Variants in ADGRB3 observed in about 807,000 individuals in gnomAD.
The protein encoded by ADGRB3 is adhesion G protein-coupled receptor B3.
A neutral mutation model predicts 193.4 loss-of-function variants in ADGRB3; 37 were observed. The observed-to-expected ratio is 0.19, with a 90% CI of 0.15 to 0.25. The LOEUF (loss-of-function observed/expected upper bound fraction) is 0.25. Ranked by LOEUF, ADGRB3 falls within the 10% of genes least tolerant of loss-of-function variation. The pLI, the probability that ADGRB3 is intolerant of heterozygous loss-of-function variation, is 1.00. For synonymous variants in ADGRB3, 690 were observed against 644.2 expected (o/e 1.07, Z -1.08); for missense variants, 1,637 against 1,852.9 (o/e 0.88, Z 2.14).
chr6:68,710,314 G>A (rs776064502), intron 3 of ADGRB3, among the ~76,000 whole-genome samples: 1 of 152,140 alleles, frequency 6.6e-6, no homozygotes, highest in Admixed American at 6.6e-5. Context: ...GTGGGTTTCT[G>A]TTTTCCTTCC....
rs549513521 is a variant in ADGRB3, at chr6:68,953,958, T to C, written c.1196-2066T>C. On this transcript the variant is annotated intron_variant, in intron 6 of 31. Coordinates refer to ENST00000370598, the MANE Select transcript of ADGRB3 (RefSeq NM_001704.3). ...ACAATGAACTGATCTTGGAAAAAAGTAGACATCCACAGACTGATGCATTTA... is the reference window on the plus strand; with the variant it reads ...ACAATGAACTGATCTTGGAAAAAAGCAGACATCCACAGACTGATGCATTTA... Among the ~76,000 whole-genome samples the C allele has an allele frequency of 4.6e-5, 7 of 152,340 alleles. No homozygotes were observed. The South Asian group carries it at 1.2e-3, about 27-fold the overall frequency.
At chr6:69,233,088 G>T (rs113014787) in intron 17 of ADGRB3, 4 of 695,904 alleles carry the variant, frequency 5.7e-6, no homozygotes, top group African/African-American at 5.5e-5. Context: ...CCGCACCGCC[G>T]CCTGCTTGCT....
intron 3 of ADGRB3, among the ~76,000 whole-genome samples, chr6:68,790,505 G>C (rs564259458): frequency 2.6e-4 from 39 of 152,240 alleles, no homozygotes; most frequent in African/African-American, 8.9e-4. Context: ...GTGGGTCCCT[G>C]ACCCCCGAGT....
At chr6:69,120,049 GA>G (rs1773640615) in intron 17 of ADGRB3, among the ~76,000 whole-genome samples, 1 of 152,084 alleles carries the variant, frequency 6.6e-6, no homozygotes, top group South Asian at 2.1e-4. Context: ...ATTCGATTTA[GA>G]ATGTATGGAA....
chr6:69,111,708 C>G (rs6455309), intron 17 of ADGRB3, among the ~76,000 whole-genome samples: 10,656 of 152,054 alleles, frequency 0.07, 466 homozygotes, highest in African/African-American at 0.12. Context: ...GATATGAAAC[C>G]AAGATAATTT....
At chr6:68,777,717 A>G (rs1007690375) in intron 3 of ADGRB3, among the ~76,000 whole-genome samples, 3 of 151,738 alleles carry the variant, frequency 2.0e-5, no homozygotes, top group Non-Finnish European at 4.4e-5. Flanking sequence ...AGATATGCTA[A>G]TATATATCTG....
chr6:68,694,502 A>C (rs1478292024), intron 3 of ADGRB3, among the ~76,000 whole-genome samples: 2 of 151,916 alleles, frequency 1.3e-5, no homozygotes, highest in African/African-American at 2.4e-5. Context: ...TGTGTATGAA[A>C]GGGCTAATTC....
intron 3 of ADGRB3, among the ~76,000 whole-genome samples, chr6:68,882,253 T>A (rs1490554200): frequency 6.6e-6 from 1 of 152,146 alleles, no homozygotes; most frequent in African/African-American, 2.4e-5. Context: ...GATTGTAGAG[T>A]CCCAAGGTAT....
chr6:68,660,395 G>T (rs1561985897), intron 3 of ADGRB3, among the ~76,000 whole-genome samples: 2 of 149,844 alleles, frequency 1.3e-5, no homozygotes, highest in African/African-American at 2.4e-5. Context: ...AAATGAGCCT[G>T]CATTCTCAGA....
chr6:69,042,583 G>A (rs1230677437), intron 13 of ADGRB3, among the ~76,000 whole-genome samples: 1 of 152,194 alleles, frequency 6.6e-6, no homozygotes, highest in East Asian at 1.9e-4. Flanking sequence ...GTCCCTGTGT[G>A]CTTGGTATGG....
intron 20 of ADGRB3, among the ~76,000 whole-genome samples, chr6:69,294,855 A>C (rs1445975557): frequency 6.6e-6 from 1 of 152,148 alleles, no homozygotes; most frequent in Non-Finnish European, 1.5e-5. Flanking sequence ...GCTAATAAAT[A>C]AGATTGTGTG....
chr6:69,233,771 G>A (rs1766203698), intron 18 of ADGRB3, among the ~76,000 whole-genome samples: 1 of 152,172 alleles, frequency 6.6e-6, no homozygotes, highest in Admixed American at 6.5e-5. Flanking sequence ...GGTATTGTTA[G>A]TAGTAGAATG....
At chr6:69,342,227 C>A (rs562947223) in intron 26 of ADGRB3, among the ~76,000 whole-genome samples, 4 of 152,080 alleles carry the variant, frequency 2.6e-5, no homozygotes, top group African/African-American at 9.7e-5. Flanking sequence ...AATATGGATA[C>A]ATCTCTGTTG....
chr6:68,660,367 C>T (rs1220365003), intron 3 of ADGRB3, among the ~76,000 whole-genome samples: 1 of 149,198 alleles, frequency 6.7e-6, no homozygotes, highest in Non-Finnish European at 1.5e-5. Context: ...CTTTGGGATA[C>T]TTTCAATGGA....
chr6:68,914,404 A>C (rs1184856863), intron 3 of ADGRB3, among the ~76,000 whole-genome samples: 1 of 152,172 alleles, frequency 6.6e-6, no homozygotes, highest in Non-Finnish European at 1.5e-5. Context: ...TTCTTAAAGA[A>C]AAGAATTTTC....
intron 8 of ADGRB3, among the ~76,000 whole-genome samples, chr6:68,969,977 T>G (rs954499026): frequency 4.6e-5 from 7 of 152,214 alleles, no homozygotes; most frequent in African/African-American, 7.2e-5. Flanking sequence ...ACCATTACTC[T>G]ATACTTGGTC....
chr6:69,158,869 T>A (rs765630394), intron 17 of ADGRB3, among the ~76,000 whole-genome samples: 2 of 152,068 alleles, frequency 1.3e-5, no homozygotes, highest in African/African-American at 2.4e-5. Context: ...ATCATTTGAT[T>A]ATCACAATTT....
intron 17 of ADGRB3, among the ~76,000 whole-genome samples, chr6:69,086,123 CAA>C (rs1251166967): frequency 6.6e-6 from 1 of 151,550 alleles, no homozygotes; most frequent in East Asian, 1.9e-4. Context: ...TTATTGCAGA[CAA>C]TATATTTTGC....
intron 20 of ADGRB3, among the ~76,000 whole-genome samples, chr6:69,303,460 A>G (rs1002369268): frequency 1.3e-5 from 2 of 151,834 alleles, no homozygotes; most frequent in African/African-American, 4.8e-5. Context: ...ACAGGAAGAC[A>G]ACAAGGATGA....
Sources: gnomAD v4.1 joint callset for allele counts (sites outside exome capture counted in the v4.1 genomes callset) on GRCh38, gnomAD v4.1.1 for gene constraint, MANE v1.5 for transcripts, NCBI Gene and HGNC (gene_info 2026-07-23, HGNC 2026-07-21) for gene names.